Variants in NEURL1 observed in about 807,000 individuals in gnomAD.
NEURL1 encodes E3 ubiquitin-protein ligase NEURL1.
NEURL1 carries 26 observed loss-of-function variants against 41.2 expected under a neutral mutation model. The ratio of observed to expected loss-of-function variants is 0.63; its 90% CI spans 0.46 to 0.87. The LOEUF (loss-of-function observed/expected upper bound fraction) is 0.87. Among genes scored for constraint, NEURL1 ranks in the 40% least tolerant of loss-of-function variants. NEURL1 has a pLI of 0.00. For synonymous variants in NEURL1, 400 were observed against 402.3 expected, an observed-to-expected ratio of 0.99 and a Z score of 0.07; for missense variants, 761 against 871.1, an observed-to-expected ratio of 0.87 and a Z score of 1.59.
chr10:103,506,497 C>T (rs1006020453), intron 1 of NEURL1, among the ~76,000 whole-genome samples: 3 of 151,878 alleles, frequency 2.0e-5, no homozygotes, highest in African/African-American at 4.8e-5. Flanking sequence ...CCAATTCAGT[C>T]GGTCCTTATT....
intron 1 of NEURL1, among the ~76,000 whole-genome samples, chr10:103,509,208 C>G (rs1004827455): frequency 6.7e-6 from 1 of 148,340 alleles, no homozygotes; most frequent in African/African-American, 2.5e-5. Flanking sequence ...CTCCAGCAGC[C>G]TGGGTGACAG....
chr10:103,540,898 A>G lies in NEURL1; in HGVS notation c.86-29974A>G, dbSNP rs540376255. Among the ~76,000 whole-genome samples, 8 of 152,352 alleles carry G rather than the reference A, an allele frequency of 5.3e-5. No homozygotes were observed. The South Asian group carries it at 1.5e-3, about 28-fold the overall frequency. On this transcript the variant is annotated intron_variant, in intron 1 of 5. Transcript: ENST00000369780. ...CTTCAATATTCATTGGTCATGGGCC[A>G]CATCAGTCATTTCTGTGCTGCCAAT... is the stretch of plus-strand genomic sequence containing the variant.
chr10:103,494,641 T>C (rs932120489), intron 1 of NEURL1, 169 bp downstream of exon 1: 15 of 606,436 alleles, frequency 2.5e-5, no homozygotes, highest in Admixed American at 6.5e-5. Context: ...GCGATGATGG[T>C]GATGGAGGAT....
chr10:103,588,020 A>G (rs1266921262), intron 4 of NEURL1, among the ~76,000 whole-genome samples: 1 of 152,178 alleles, frequency 6.6e-6, no homozygotes, highest in South Asian at 2.1e-4. Flanking sequence ...AAGAAAGCTC[A>G]TGGGCTGGGC....
In NEURL1 at chr10:103,571,597, G is replaced by A. The variant is rs539510212; in HGVS notation, c.424G>A (p.Ala142Thr). The change falls in exon 3 of 6, where the codon GCC (alanine) becomes ACC (threonine). Residue 142 changes from alanine (A) to threonine (T), a missense_variant. By Grantham distance (58) the Ala-to-Thr change is moderately conservative. Coordinates refer to ENST00000369780, the MANE Select transcript of NEURL1 (RefSeq NM_004210.5). ...RIHPDSLPKY[A>T]CPDLVSQSGF... ...CCACCCTGACTCGCTGCCCAAGTAC[G>A]CCTGCCCCGACCTGGTGTCCCAGAG... 4.3e-6 allele frequency: 7 copies of A among 1,614,026 alleles called. No homozygotes were observed. The highest frequency in any genetic ancestry group is 3.3e-5 in the Admixed American group (2 of 60,020).
intron 1 of NEURL1, among the ~76,000 whole-genome samples, chr10:103,533,758 G>C (rs571398183): frequency 6.6e-6 from 1 of 152,012 alleles, no homozygotes; most frequent in Non-Finnish European, 1.5e-5. Flanking sequence ...GGATGGTCTC[G>C]ATCTGCTGAC....
At chr10:103,527,094 G>A (rs1271274693) in intron 1 of NEURL1, among the ~76,000 whole-genome samples, 1 of 152,036 alleles carries the variant, frequency 6.6e-6, no homozygotes, top group Non-Finnish European at 1.5e-5. Flanking sequence ...TCCAGGAAAG[G>A]GGCAGACAAT....
rs746479391 is a variant in NEURL1, at chr10:103,533,637, C to T, written c.86-37235C>T. Among the ~76,000 whole-genome samples, 390 of 151,820 alleles carry T rather than the reference C, an allele frequency of 2.6e-3. 2 individuals are homozygous for T. Among genetic ancestry groups the T allele is most frequent in the Non-Finnish European group, 1.5e-3 (100 of 67,920 alleles). On this transcript the variant is annotated intron_variant, in intron 1 of 5. Coordinates refer to ENST00000369780, the MANE Select transcript of NEURL1 (RefSeq NM_004210.5). ...CTGCAAGCTCTGCCTCCTGGGTTCA[C>T]ACCATTCTCCTGCCTCAGCCTCCTG...
chr10:103,504,001 T>TTATC (rs1183603349), intron 1 of NEURL1, among the ~76,000 whole-genome samples: 1 of 146,318 alleles, frequency 6.8e-6, no homozygotes, highest in Non-Finnish European at 1.5e-5. Context: ...ATTTATTTAT[T>TTATC]TATCTTTTTG....
At chr10:103,573,924 T>A (rs1030700262) in intron 3 of NEURL1, among the ~76,000 whole-genome samples, 4 of 152,238 alleles carry the variant, frequency 2.6e-5, no homozygotes, top group African/African-American at 9.6e-5. Flanking sequence ...GTGCTGGTGC[T>A]TCTCTCAGTA....
intron 1 of NEURL1, among the ~76,000 whole-genome samples, chr10:103,516,117 A>G (rs2034198966): frequency 6.6e-6 from 1 of 150,668 alleles, no homozygotes; most frequent in Non-Finnish European, 1.5e-5. Flanking sequence ...AGTCCCAGCT[A>G]CTTGGGAGGC....
intron 1 of NEURL1, among the ~76,000 whole-genome samples, chr10:103,537,906 A>AC (rs2034728226): frequency 6.7e-6 from 1 of 150,326 alleles, no homozygotes; most frequent in Admixed American, 6.6e-5. Flanking sequence ...TCCCTGCTGC[A>AC]CCCCCCGCCT....
rs772793947 is a variant in NEURL1, at chr10:103,590,310, G to A, written c.1663G>A (p.Ala555Thr). The change falls in exon 6 of 6, where the codon GCC (alanine) becomes ACC (threonine). Residue 555 changes from alanine to threonine, a missense_variant. Ala to Thr is a moderately conservative substitution (Grantham distance 58, BLOSUM62 0). Around this residue, in one of 5 missense-constraint regions of NEURL1, gnomAD observed 45 missense variants for 89.9 expected, o/e 0.50. Transcript: ENST00000369780. ...CCTGCGCCTCAAGAAGGCTCTGCAC[G>A]CCTGCTGCCCCATCTGCCGCCGCCC... ...CGLRLKKALH[A>T]CCPICRRPIK... 5.0e-6 allele frequency: 8 copies of A among 1,613,990 alleles called. No individual in the cohort carries two copies. Among genetic ancestry groups the A allele is most frequent in the African/African-American group, 4.0e-5 (3 of 74,906 alleles).
chr10:103,569,095 G>A lies in NEURL1; in HGVS notation c.86-1777G>A, dbSNP rs141449950. Reference sequence around the variant, plus strand: ...CTCCCAAAGTGCTGAGATTACAGGCGTGAGCCATGGTGCCTGGGCCACTTA... The same window carrying A: ...CTCCCAAAGTGCTGAGATTACAGGCATGAGCCATGGTGCCTGGGCCACTTA... On this transcript the variant is annotated intron_variant, in intron 1 of 5. Transcript: ENST00000369780. 7.3e-3 allele frequency among the ~76,000 whole-genome samples: 1,114 copies of A among 152,314 alleles called. 10 individuals carry two copies. The highest frequency in any genetic ancestry group is 0.025 in the African/African-American group (1,037 of 41,564).
chr10:103,533,055 T>C (rs374836971), intron 1 of NEURL1, among the ~76,000 whole-genome samples: 42 of 150,384 alleles, frequency 2.8e-4, no homozygotes, highest in Admixed American at 6.0e-4. Context: ...GCCTCCCGAG[T>C]AGCTGGGACC....
chr10:103,582,708 A>G (rs1274836864), intron 3 of NEURL1, among the ~76,000 whole-genome samples: 1 of 152,222 alleles, frequency 6.6e-6, no homozygotes, highest in Non-Finnish European at 1.5e-5. Context: ...CTTTGCTGTC[A>G]TACCTGAGAA....
intron 1 of NEURL1, among the ~76,000 whole-genome samples, chr10:103,517,181 C>T (rs2034235984): frequency 6.6e-6 from 1 of 152,150 alleles, no homozygotes; most frequent in Non-Finnish European, 1.5e-5. Context: ...CATGTGCTAC[C>T]ACGCTCAGTT....
At position 103,494,204 on chromosome 10, in the gene NEURL1, C is replaced by T. The variant is rs961226372; in HGVS notation, c.-184C>T. 3 of 515,148 alleles carry T rather than the reference C, an allele frequency of 5.8e-6. No homozygotes were observed. The highest frequency in any genetic ancestry group is 4.2e-5 in the Admixed American group (1 of 23,554). The allele number at this position is 515,148 out of a possible 1,614,324, so 31.9% of individuals were successfully genotyped here. ...CAGGACACCCGTGGCGGGCGGAACC[C>T]GCCAAGGACCGCGAAGTCCAGAGAA... On this transcript the variant is annotated 5_prime_UTR_variant, in exon 1 of 6. Transcript: ENST00000369780.
intron 1 of NEURL1, among the ~76,000 whole-genome samples, chr10:103,496,506 A>G (rs77508972): frequency 0.037 from 5,627 of 152,344 alleles, 91 homozygotes; most frequent in Non-Finnish European, 0.044. Context: ...CTCTGGGTAT[A>G]GGATCATATG....
Sources: allele counts gnomAD v4.1 joint callset (sites outside exome capture counted in the v4.1 genomes callset), GRCh38; gene constraint gnomAD v4.1.1; regional missense constraint gnomAD v4.1.1; transcripts MANE v1.5; gene names NCBI Gene and HGNC (gene_info 2026-07-23, HGNC 2026-07-21).